The following RPGRIP1 variants were observed in gnomAD, a reference collection of about 807,000 sequenced individuals.
RPGRIP1 encodes the protein X-linked retinitis pigmentosa GTPase regulator-interacting protein 1.
Under a neutral mutation model 157.9 loss-of-function variants are expected in RPGRIP1, and 128 were observed. The ratio of observed to expected loss-of-function variants is 0.81; its 90% CI spans 0.70 to 0.94. The LOEUF is 0.94. Ranked by LOEUF, RPGRIP1 falls within the 40% of genes least tolerant of loss-of-function variation. The probability of loss-of-function intolerance (pLI) is 0.00; values close to 1 mark genes in which losing one functional copy is unlikely to be tolerated. For missense variants in RPGRIP1, 1,486 were observed against 1,545.8 expected (o/e 0.96, Z 0.65); for synonymous variants, 554 against 571.6 (o/e 0.97, Z 0.44).
At position 21,301,220 on chromosome 14, in the gene RPGRIP1, C is replaced by A. The variant is rs368528161; in HGVS notation, c.473C>A (p.Pro158Gln). 6.3e-7 allele frequency: 1 copy of A among 1,589,880 alleles called. No homozygotes were observed. The highest frequency in any genetic ancestry group is 2.3e-5 in the East Asian group (1 of 43,522). Reference sequence around the variant, plus strand: ...CTCCACACAGCCGGTGCACCGGTGCCGGAGAAACCCAAGAGGGGTGAGATT... The same window carrying A: ...CTCCACACAGCCGGTGCACCGGTGCAGGAGAAACCCAAGAGGGGTGAGATT... Reference protein sequence around the residue: ...RQLHTAGAPVPEKPKRGPRDR... With the variant: ...RQLHTAGAPVQEKPKRGPRDR... Residue 158 changes from proline to glutamine, a missense_variant, in exon 4 of 25, where the codon CCG (proline) becomes CAG (glutamine). Transcript: ENST00000400017.
chr14:21,344,715 G>A (rs1885383609), intron 22 of RPGRIP1, among the ~76,000 whole-genome samples: 1 of 152,170 alleles, frequency 6.6e-6, no homozygotes, highest in African/African-American at 2.4e-5. Context: ...GGAAGCCAAG[G>A]CGGGCAGATT....
chr14:21,342,836 A>G (rs1885155394), intron 21 of RPGRIP1, among the ~76,000 whole-genome samples, 200 bp from the exon 22 acceptor site: 1 of 152,114 alleles, frequency 6.6e-6, no homozygotes, highest in Non-Finnish European at 1.5e-5. Flanking sequence ...TAAATTTCCT[A>G]TCAATTAACT....
intron 10 of RPGRIP1, among the ~76,000 whole-genome samples, chr14:21,316,259 G>T (rs1360186646): frequency 6.6e-6 from 1 of 151,884 alleles, no homozygotes; most frequent in East Asian, 1.9e-4. Flanking sequence ...TTACAGGTGT[G>T]AGCCACCGCG....
intron 4 of RPGRIP1, among the ~76,000 whole-genome samples, 200 bp from the exon 5 acceptor site, chr14:21,302,288 G>A (rs1349847290): frequency 6.6e-6 from 1 of 151,888 alleles, no homozygotes; most frequent in East Asian, 1.9e-4. Context: ...TTACTCACTT[G>A]AGGATCTATA....
Position 21,324,902 on chromosome 14 carries a change from G to A in RPGRIP1, c.2047G>A (p.Val683Met), listed in dbSNP as rs890716590. 24 of 1,614,046 alleles carry A rather than the reference G, an allele frequency of 1.5e-5. No individual in the cohort carries two copies. Among genetic ancestry groups the A allele is most frequent in the Non-Finnish European group, 1.9e-5 (22 of 1,179,898 alleles). Residue 683 changes from valine to methionine, a missense_variant, in exon 15 of 25, where the codon GTG becomes ATG. Val to Met is a conservative substitution (Grantham distance 21). Transcript: ENST00000400017. The part of the protein sequence containing the change: ...QPLYDFTSQY[V>M]METDSLFLHY... ...CCTCTATGACTTCACCTCCCAGTATGTGATGGAGACAGATTCGCTTTTCTT... is the reference window on the plus strand; with the variant it reads ...CCTCTATGACTTCACCTCCCAGTATATGATGGAGACAGATTCGCTTTTCTT...
chr14:21,318,578 A>G (rs566063677), intron 11 of RPGRIP1, among the ~76,000 whole-genome samples: 112 of 152,046 alleles, frequency 7.4e-4, no homozygotes, highest in African/African-American at 2.6e-3. Flanking sequence ...CAGGTTCAAG[A>G]GATTCTCCTG....
chr14:21,324,390 A>G (rs1882824345), intron 14 of RPGRIP1: 4 of 579,434 alleles, frequency 6.9e-6, no homozygotes, highest in Non-Finnish European at 6.2e-6. Flanking sequence ...CTTTCCAGTC[A>G]CTCCTTTTGT....
intron 20 of RPGRIP1, among the ~76,000 whole-genome samples, chr14:21,333,163 G>T (rs1022294805): frequency 2.0e-5 from 3 of 152,196 alleles, no homozygotes; most frequent in Admixed American, 6.5e-5. Flanking sequence ...GCTAAAATCT[G>T]CCTGGTTTCA....
chr14:21,315,975 T>TC (rs1491349134), intron 10 of RPGRIP1, among the ~76,000 whole-genome samples: 17 of 26,088 alleles, frequency 6.5e-4, no homozygotes, highest in African/African-American at 1.6e-3. Context: ...ATTTTTGTGG[T>TC]TTTTTTTTTT....
intron 10 of RPGRIP1, among the ~76,000 whole-genome samples, chr14:21,314,451 A>C (rs2139179561): frequency 6.6e-6 from 1 of 152,196 alleles, no homozygotes; most frequent in South Asian, 2.1e-4. Context: ...TAATTTTATA[A>C]TTAAAAAGAA....
chr14:21,312,938 T>G (rs1457246812), intron 10 of RPGRIP1, among the ~76,000 whole-genome samples: 2 of 151,514 alleles, frequency 1.3e-5, no homozygotes, highest in African/African-American at 2.4e-5. Context: ...GCTCAAGCAA[T>G]CCTCCCACCT....
intron 3 of RPGRIP1, among the ~76,000 whole-genome samples, chr14:21,298,057 C>G (rs1163422199): frequency 1.3e-5 from 2 of 151,920 alleles, no homozygotes; most frequent in African/African-American, 4.8e-5. Context: ...TCATATTAAC[C>G]TGGAGAGAAG....
In RPGRIP1 at chr14:21,294,756, A is replaced by C. The variant is rs1566668538; in HGVS notation, c.165A>C (p.Glu55Asp). Reference protein sequence around the residue: ...ELEDSFFRLREDHMLVKELSW... With the variant: ...ELEDSFFRLRDDHMLVKELSW... ...AGGACAGTTTCTTTCGACTTCGCGA[A>C]GATCACATGTTGGTGAAGGAGCTTT... is the stretch of plus-strand genomic sequence containing the variant. The change falls in exon 3 of 25, where the codon GAA (glutamate) becomes GAC (aspartate). Residue 55 changes from glutamate to aspartate, a missense_variant. Transcript: ENST00000400017. 6.2e-7 allele frequency: 1 copy of C among 1,612,794 alleles called. No homozygotes were observed. Among genetic ancestry groups the C allele is most frequent in the Admixed American group, 1.7e-5 (1 of 59,882 alleles).
chr14:21,281,502 A>C (rs992929250), intron 1 of RPGRIP1, among the ~76,000 whole-genome samples: 3 of 151,818 alleles, frequency 2.0e-5, no homozygotes, highest in African/African-American at 7.3e-5. Flanking sequence ...CAGTCTGGCC[A>C]ACATGGCAAA....
In RPGRIP1 at chr14:21,305,248, C is replaced by T. The variant is rs190823847; in HGVS notation, c.800+1705C>T. On this transcript the variant is annotated intron_variant, in intron 6 of 24. Coordinates refer to ENST00000400017, the MANE Select transcript of RPGRIP1 (RefSeq NM_020366.4). ...ACCTCCAGTCCTGGCAACCACTGATCTTTTTACTGTCTCCAGTTTTGCCTC... is the reference window on the plus strand; with the variant it reads ...ACCTCCAGTCCTGGCAACCACTGATTTTTTTACTGTCTCCAGTTTTGCCTC... Among the ~76,000 whole-genome samples, 216 of 152,326 alleles carry T rather than the reference C, an allele frequency of 1.4e-3. 4 individuals are homozygous for T. The highest frequency in any genetic ancestry group is 8.3e-4 in the South Asian group (4 of 4,834).
At position 21,317,543 on chromosome 14, in the gene RPGRIP1, G is replaced by T. The variant is rs142632064; in HGVS notation, c.1152-153G>T. 1.0e-4 allele frequency: 155 copies of T among 1,514,258 alleles called. 1 individual carries two copies. In the East Asian group the frequency reaches 3.0e-3, roughly 29 times the overall value. The allele number at this position is 1,514,258 out of a possible 1,614,324, so 93.8% of individuals were successfully genotyped here. On this transcript the variant is annotated intron_variant, in intron 10 of 24. Coordinates refer to ENST00000400017, the MANE Select transcript of RPGRIP1 (RefSeq NM_020366.4). The stretch of plus-strand genomic sequence containing the variant: ...AGGACTCAAAAGTTCCAAGGCAGTT[G>T]GTAAATGACAGTTATGAATAAAGCA...
intron 4 of RPGRIP1, among the ~76,000 whole-genome samples, chr14:21,302,054 T>C (rs1881059365): frequency 6.6e-6 from 1 of 152,146 alleles, no homozygotes; most frequent in Admixed American, 6.6e-5. Context: ...TTTTGCTTAG[T>C]GTGGTCCTAT....
At chr14:21,300,024 G>C (rs1197053454) in intron 3 of RPGRIP1, among the ~76,000 whole-genome samples, 1 of 152,166 alleles carries the variant, frequency 6.6e-6, no homozygotes, top group South Asian at 2.1e-4. Flanking sequence ...GGCCGGGCGC[G>C]GTGGCTCACG....
chr14:21,305,961 G>A (rs1368709199), intron 6 of RPGRIP1, among the ~76,000 whole-genome samples: 4 of 151,996 alleles, frequency 2.6e-5, no homozygotes, highest in Non-Finnish European at 4.4e-5. Flanking sequence ...TTCAGGCAGT[G>A]TAATTTTAAG....
Sources: allele counts gnomAD v4.1 joint callset (sites outside exome capture counted in the v4.1 genomes callset), GRCh38; gene constraint gnomAD v4.1.1; transcripts MANE v1.5; gene names NCBI Gene and HGNC (gene_info 2026-07-23, HGNC 2026-07-21).